The following SCRN1 variants were observed in gnomAD, a reference collection of about 807,000 sequenced individuals.
The protein encoded by SCRN1 is secernin 1, also known as secernin-1.
SCRN1 carries 19 observed loss-of-function variants against 43.3 expected under a neutral mutation model. That is an observed-to-expected ratio of 0.44 (90% CI 0.31 to 0.64). The LOEUF is 0.64. Ranked by LOEUF, SCRN1 falls within the 30% of genes least tolerant of loss-of-function variation. The pLI is 0.09. For missense variants in SCRN1, 447 were observed against 524.1 expected (o/e 0.85, Z 1.44); for synonymous variants, 183 against 188.9 (o/e 0.97, Z 0.26).
At chr7:29,968,684 A>G (rs957347928) in intron 2 of SCRN1, among the ~76,000 whole-genome samples, 4 of 152,230 alleles carry the variant, frequency 2.6e-5, no homozygotes, top group Non-Finnish European at 5.9e-5. Context: ...AACTATGTAC[A>G]TATTTCACTT....
intron 1 of SCRN1, among the ~76,000 whole-genome samples, chr7:29,974,972 G>A (rs1204861987): frequency 2.0e-5 from 3 of 152,082 alleles, no homozygotes; most frequent in South Asian, 2.1e-4. Context: ...ATGAGCCACC[G>A]TGCTCAGCCC....
intron 2 of SCRN1, 70 bp downstream of exon 2, chr7:29,968,838 GT>G (rs1788577430): frequency 1.3e-6 from 2 of 1,575,278 alleles, no homozygotes. Flanking sequence ...CAAGCAAGAA[GT>G]TAGGGTTGTG....
chr7:29,960,633 C>A (rs1185633437), intron 2 of SCRN1, among the ~76,000 whole-genome samples: 1 of 152,040 alleles, frequency 6.6e-6, no homozygotes, highest in Non-Finnish European at 1.5e-5. Context: ...AATGTTGGAT[C>A]CATTTTTTTC....
chr7:29,981,853 G>C (rs941174458), intron 1 of SCRN1, among the ~76,000 whole-genome samples: 1 of 152,154 alleles, frequency 6.6e-6, no homozygotes, highest in African/African-American at 2.4e-5. Context: ...CCACCTATGA[G>C]AGCCTGATAA....
At chr7:29,977,884 A>C (rs893891013) in intron 1 of SCRN1, among the ~76,000 whole-genome samples, 1 of 152,206 alleles carries the variant, frequency 6.6e-6, no homozygotes, top group African/African-American at 2.4e-5. Context: ...TCAGAATACC[A>C]TTTGGGACAC....
At chr7:29,990,140 G>C (rs1378329556), upstream of SCRN1, 13 of 1,551,560 alleles carry the variant, frequency 8.4e-6, no homozygotes, top group Non-Finnish European at 9.6e-6. Flanking sequence ...CCGGGCCTCG[G>C]CGCCCACACA....
At chr7:29,990,084 G>A, upstream of SCRN1, 5 of 1,541,440 alleles carry the variant, frequency 3.2e-6, no homozygotes, top group South Asian at 2.4e-5. Flanking sequence ...AAGGAGCCAG[G>A]CCCAGCATCC....
intron 2 of SCRN1, among the ~76,000 whole-genome samples, chr7:29,959,529 C>A (rs751173064): frequency 2.0e-4 from 30 of 152,144 alleles, no homozygotes; most frequent in Non-Finnish European, 4.0e-4. Context: ...CTTAGCCTCC[C>A]AAGTAGCTGG....
intron 3 of SCRN1, among the ~76,000 whole-genome samples, chr7:29,948,907 C>T (rs1278626108): frequency 1.3e-5 from 2 of 152,180 alleles, no homozygotes; most frequent in African/African-American, 4.8e-5. Context: ...CTCCACCAGG[C>T]TGGTTATTAA....
intron 1 of SCRN1, among the ~76,000 whole-genome samples, chr7:29,988,263 A>C: frequency 6.6e-6 from 1 of 152,230 alleles, no homozygotes; most frequent in East Asian, 1.9e-4. Context: ...GTGCATCAAA[A>C]AGACATCAGC....
Position 29,923,764 on chromosome 7 carries a change from AAGG to A in SCRN1, c.*190_*192del, listed in dbSNP as rs1362123994. 4.7e-6 allele frequency: 3 copies of A among 633,416 alleles called. No homozygotes were observed. Among genetic ancestry groups the A allele is most frequent in the Non-Finnish European group, 8.3e-6 (3 of 360,832 alleles). 39.2% of individuals were successfully genotyped at this position (633,416 alleles called of 1,614,324 possible). A position where few individuals can be genotyped will look rare whatever the true frequency, so the allele number is the denominator to read the frequency against. ...CGGGATACATGTTACACTGCACAGG[AAGG>A]AGACCTACATTGCAGAAGGGGACGC... On this transcript the variant is annotated 3_prime_UTR_variant, in exon 8 of 8. Coordinates refer to ENST00000242059, the MANE Select transcript of SCRN1 (RefSeq NM_014766.5).
At chr7:29,956,271 C>T (rs924323684) in intron 2 of SCRN1, among the ~76,000 whole-genome samples, 1 of 152,210 alleles carries the variant, frequency 6.6e-6, no homozygotes, top group African/African-American at 2.4e-5. Flanking sequence ...TCCTGTGCTT[C>T]CCTTTCCCCT....
chr7:29,965,315 C>G lies in SCRN1; in HGVS notation c.159+3594G>C, dbSNP rs1241493438. ...GTTCTGGGAAGAAAATTCTGGTAAC[C>G]CTGTAGGGAGAAGAACCCAGGAGAA... On this transcript the variant is annotated intron_variant, in intron 2 of 7. Transcript: ENST00000242059. The surrounding 1 kb of genome is among the most constrained non-coding windows in gnomAD (Gnocchi z 4.2). 6.6e-6 allele frequency among the ~76,000 whole-genome samples: 1 copy of G among 151,932 alleles called. No homozygotes were observed. Among genetic ancestry groups the G allele is most frequent in the Non-Finnish European group, 1.5e-5 (1 of 68,008 alleles).
chr7:29,945,565 T>C (rs376121870), intron 3 of SCRN1, among the ~76,000 whole-genome samples: 11 of 152,270 alleles, frequency 7.2e-5, no homozygotes, highest in African/African-American at 2.4e-4. Flanking sequence ...TCCATGAAAA[T>C]ATGCAGTGCT....
chr7:29,948,815 T>A (rs967726923), intron 3 of SCRN1, among the ~76,000 whole-genome samples: 1 of 152,256 alleles, frequency 6.6e-6, no homozygotes, highest in Non-Finnish European at 1.5e-5. Flanking sequence ...GTTCTGAAAC[T>A]GTTGGTAGCT....
chr7:29,954,450 C>A (rs568118223), intron 3 of SCRN1, among the ~76,000 whole-genome samples: 20 of 152,264 alleles, frequency 1.3e-4, no homozygotes, highest in African/African-American at 4.1e-4. Context: ...AGGTTTAGAA[C>A]ATTTTCAACA....
Position 29,926,441 on chromosome 7 carries a change from T to C in SCRN1, c.1086+11A>G. The C allele has an allele frequency of 3.1e-6, 5 of 1,608,650 alleles. No individual in the cohort carries two copies. The highest frequency in any genetic ancestry group is 4.3e-6 in the Non-Finnish European group (5 of 1,176,402). The stretch of plus-strand genomic sequence containing the variant: ...TCCGCCTCCGCCTCTGTGGCCCTCA[T>C]GCAAGCTCACCTGGTCACTTTCGAT... On this transcript the variant is annotated intron_variant, in intron 7 of 7. Coordinates refer to ENST00000242059, the MANE Select transcript of SCRN1 (RefSeq NM_014766.5).
intron 4 of SCRN1, among the ~76,000 whole-genome samples, chr7:29,943,224 G>A (rs1025834399): frequency 2.0e-5 from 3 of 152,126 alleles, no homozygotes; most frequent in African/African-American, 7.2e-5. Flanking sequence ...CAGTCCCAAG[G>A]AGCTGCTCGG....
At chr7:29,980,794 A>G (rs1788970611) in intron 1 of SCRN1, among the ~76,000 whole-genome samples, 1 of 152,232 alleles carries the variant, frequency 6.6e-6, no homozygotes, top group African/African-American at 2.4e-5. Flanking sequence ...TTTATTATCA[A>G]AAAGGAATAT....
Sources: gnomAD v4.1 joint callset for allele counts (sites outside exome capture counted in the v4.1 genomes callset) on GRCh38, gnomAD v4.1.1 for gene constraint, Gnocchi (gnomAD v3.1) non-coding constraint, MANE v1.5 for transcripts, NCBI Gene and HGNC (gene_info 2026-07-23, HGNC 2026-07-21) for gene names.